TCF12: variants seen among roughly 807,000 people sequenced by gnomAD.
The protein encoded by TCF12 is DNA-binding protein HTF4.
Under a neutral mutation model 86.0 loss-of-function variants are expected in TCF12, and 45 were observed. That is an observed-to-expected ratio of 0.52 (90% CI 0.41 to 0.67). TCF12 has a LOEUF of 0.67. TCF12 is among the 30% of genes least tolerant of loss of function. The pLI, the probability that TCF12 is intolerant of heterozygous loss-of-function variation, is 0.00. For missense variants in TCF12, 881 were observed against 859.9 expected, an observed-to-expected ratio of 1.02 and a Z score of -0.31; for synonymous variants, 330 against 299.6, an observed-to-expected ratio of 1.10 and a Z score of -1.05.
intron 3 of TCF12, among the ~76,000 whole-genome samples, chr15:56,988,869 A>G (rs1486506966): frequency 6.6e-6 from 1 of 152,132 alleles, no homozygotes; most frequent in Non-Finnish European, 1.5e-5. Context: ...TGTATAGGTA[A>G]TGGTGAATAC....
intron 8 of TCF12, among the ~76,000 whole-genome samples, chr15:57,229,987 A>T (rs1225824723): frequency 6.6e-6 from 1 of 151,906 alleles, no homozygotes. Context: ...TTTTTCTATT[A>T]TTAGTCTATA....
intron 5 of TCF12, among the ~76,000 whole-genome samples, chr15:57,154,558 G>C (rs763495446): frequency 5.3e-5 from 8 of 152,098 alleles, no homozygotes; most frequent in African/African-American, 9.7e-5. Flanking sequence ...GTTCTTTTAT[G>C]TTTCGACTTC....
chr15:57,030,496 T>C, intron 3 of TCF12, among the ~76,000 whole-genome samples: 1 of 152,216 alleles, frequency 6.6e-6, no homozygotes, highest in East Asian at 1.9e-4. Flanking sequence ...CCTCTCAAAA[T>C]GCTGGGATTA....
At chr15:56,965,159 A>G (rs1375219267) in intron 3 of TCF12, among the ~76,000 whole-genome samples, 1 of 152,186 alleles carries the variant, frequency 6.6e-6, no homozygotes, top group Non-Finnish European at 1.5e-5. Flanking sequence ...AGAATGGGAC[A>G]TATAGTATCA....
At chr15:57,108,623 T>G (rs558576460) in intron 5 of TCF12, among the ~76,000 whole-genome samples, 1 of 151,846 alleles carries the variant, frequency 6.6e-6, no homozygotes, top group East Asian at 1.9e-4. Context: ...AGGCAAACAA[T>G]TCCTTAGAGA....
intron 5 of TCF12, among the ~76,000 whole-genome samples, chr15:57,152,285 C>A (rs548008456): frequency 6.6e-6 from 1 of 152,116 alleles, no homozygotes; most frequent in Non-Finnish European, 1.5e-5. Context: ...AAGAGAAAAA[C>A]AAAACAAATA....
chr15:57,170,778 AAT>A (rs370771443), intron 6 of TCF12, among the ~76,000 whole-genome samples: 36,952 of 49,248 alleles, frequency 0.75, 13,199 homozygotes, highest in Middle Eastern at 0.8. Context: ...TATTATATAT[AAT>A]ATATATATAT....
At position 57,228,558 on chromosome 15, in the gene TCF12, G is replaced by A. The variant is rs370444387; in HGVS notation, c.580-2594G>A. Among the ~76,000 whole-genome samples the A allele has an allele frequency of 2.0e-5, 3 of 151,874 alleles. No individual in the cohort carries two copies. The East Asian group carries it at 5.8e-4, about 29-fold the overall frequency. On this transcript the variant is annotated intron_variant, in intron 8 of 20. Coordinates refer to ENST00000333725, the MANE Select transcript of TCF12 (RefSeq NM_207037.2). ...CTCCATACAACTTCAAAATTTTTGC[G>A]TAAGGGAAGGCAAGTCTCTTTCTGT...
At position 57,278,124 on chromosome 15, in the gene TCF12, A is replaced by G. The variant is rs182309360; in HGVS notation, c.1979-4321A>G. ...TGGAACTGCAGGCATTAGCCACCAC[A>G]CCTGGCTCGTGTATATTTTTTCAGA... is the stretch of plus-strand genomic sequence containing the variant. On this transcript the variant is annotated intron_variant, in intron 19 of 20. Transcript: ENST00000333725. Among the ~76,000 whole-genome samples the G allele has an allele frequency of 8.5e-5, 13 of 152,156 alleles. No homozygotes were observed. In the East Asian group the frequency reaches 2.5e-3, roughly 30 times the overall value.
At chr15:57,011,294 A>C (rs1386026646) in intron 3 of TCF12, among the ~76,000 whole-genome samples, 1 of 152,070 alleles carries the variant, frequency 6.6e-6, no homozygotes, top group African/African-American at 2.4e-5. Context: ...GTAAGGTCTC[A>C]TTCAGTTAGT....
intron 5 of TCF12, among the ~76,000 whole-genome samples, chr15:57,150,818 G>T (rs1467740411): frequency 6.6e-6 from 1 of 151,520 alleles, no homozygotes; most frequent in East Asian, 1.9e-4. Flanking sequence ...GAAAAAAACG[G>T]AATTTATTCA....
intron 8 of TCF12, among the ~76,000 whole-genome samples, chr15:57,208,743 T>C (rs1597330836): frequency 6.6e-6 from 1 of 151,624 alleles, no homozygotes; most frequent in Non-Finnish European, 1.5e-5. Flanking sequence ...GAATTCAGTC[T>C]GTGGTCCAGG....
chr15:57,065,038 C>T (rs1230638636), intron 4 of TCF12, among the ~76,000 whole-genome samples: 1 of 152,068 alleles, frequency 6.6e-6, no homozygotes, highest in Non-Finnish European at 1.5e-5. Context: ...GTTAAAATAC[C>T]TTTTAAAATA....
chr15:56,962,784 A>G (rs1035009306), intron 3 of TCF12, among the ~76,000 whole-genome samples: 2 of 152,210 alleles, frequency 1.3e-5, no homozygotes, highest in Non-Finnish European at 2.9e-5. Context: ...ATCCTACCAG[A>G]TATTTAGAAT....
At chr15:57,233,234 A>G (rs2059238640) in intron 11 of TCF12, among the ~76,000 whole-genome samples, 3 of 151,810 alleles carry the variant, frequency 2.0e-5, no homozygotes, top group African/African-American at 7.3e-5. Context: ...GTGCAGTGGC[A>G]CAGTCATGGC....
chr15:57,041,347 C>A (rs572189044), intron 3 of TCF12, among the ~76,000 whole-genome samples: 449 of 152,178 alleles, frequency 3.0e-3, no homozygotes, highest in Non-Finnish European at 5.6e-3. Flanking sequence ...CCAAATAGTT[C>A]TTTCTCTTAT....
intron 6 of TCF12, among the ~76,000 whole-genome samples, chr15:57,176,504 C>T (rs2055921017): frequency 1.3e-5 from 2 of 152,126 alleles, no homozygotes; most frequent in Admixed American, 6.5e-5. Context: ...TCACTTGACC[C>T]TATAAGCATA....
chr15:57,277,587 C>G (rs547859072), intron 19 of TCF12, among the ~76,000 whole-genome samples: 158 of 149,184 alleles, frequency 1.1e-3, no homozygotes, highest in Non-Finnish European at 2.1e-3. Context: ...CGAGATTGTG[C>G]CACTGCACTC....
chr15:57,117,526 C>T (rs2050926525), intron 5 of TCF12, among the ~76,000 whole-genome samples: 2 of 152,112 alleles, frequency 1.3e-5, no homozygotes, highest in African/African-American at 4.8e-5. Context: ...AGTTACTTTC[C>T]TACAAGTATG....
Sources: allele counts gnomAD v4.1 joint callset (sites outside exome capture counted in the v4.1 genomes callset), GRCh38; gene constraint gnomAD v4.1.1; transcripts MANE v1.5; gene names NCBI Gene and HGNC (gene_info 2026-07-23, HGNC 2026-07-21).